Variants in ACLY observed in about 807,000 individuals in gnomAD.
The protein encoded by ACLY is ATP-citrate synthase.
Under a neutral mutation model 133.0 loss-of-function variants are expected in ACLY, and 41 were observed. That is an observed-to-expected ratio of 0.31 (90% CI 0.24 to 0.40). The LOEUF (loss-of-function observed/expected upper bound fraction) is 0.40, where lower values mean the gene tolerates loss of function less well. Among genes scored for constraint, ACLY ranks in the 10% least tolerant of loss-of-function variants. The pLI, the probability that ACLY is intolerant of heterozygous loss-of-function variation, is 1.00. For synonymous variants in ACLY, 495 were observed against 549.3 expected (o/e 0.90, Z 1.38); for missense variants, 1,046 against 1,453.8 (o/e 0.72, Z 4.56).
Position 41,871,700 on chromosome 17 carries a change from G to T in ACLY, c.2926C>A (p.Arg976=). The T allele has an allele frequency of 6.2e-7, 1 of 1,613,902 alleles. No homozygotes were observed. Among genetic ancestry groups the T allele is most frequent in the Non-Finnish European group, 8.5e-7 (1 of 1,179,990 alleles). Residue 976 remains arginine, a synonymous_variant, in exon 25 of 29, where the codon CGA becomes AGA. Transcript: ENST00000352035. Reference sequence around the variant, plus strand: ...GAGTAACAACTCACCGACTTCACTCGGTGACCAATGCCCATGATCAGCTTC... The same window carrying T: ...GAGTAACAACTCACCGACTTCACTCTGTGACCAATGCCCATGATCAGCTTC... ...EGKLIMGIGH[R]VKSINNPDMR... is the part of the protein sequence containing the mutation.
At chr17:41,922,088 C>T (rs1406536849), upstream of ACLY, among the ~76,000 whole-genome samples, 24 of 152,002 alleles carry the variant, frequency 1.6e-4, 1 homozygote, top group South Asian at 4.4e-3. Flanking sequence ...CCCAGTTACT[C>T]GGGAGGCTGG....
rs2049862065 is a variant in ACLY at position 41,910,303 on chromosome 17, A to C, written c.283-19T>G. On this transcript the variant is annotated intron_variant, in intron 3 of 28. Coordinates refer to ENST00000352035, the MANE Select transcript of ACLY (RefSeq NM_001096.3). ...TGCCAACCTACAGAAAAATTGAGGGAGATGAAACTCAGAGGGACAGCACGT... is the reference window on the plus strand; with the variant it reads ...TGCCAACCTACAGAAAAATTGAGGGCGATGAAACTCAGAGGGACAGCACGT... 1 of 1,611,588 alleles carries C rather than the reference A, an allele frequency of 6.2e-7. No homozygotes were observed. Among genetic ancestry groups the C allele is most frequent in the South Asian group, 1.1e-5 (1 of 90,646 alleles).
Position 41,897,800 on chromosome 17 carries a change from T to C in ACLY, c.1378A>G (p.Arg460Gly). The C allele has an allele frequency of 1.9e-6, 3 of 1,613,628 alleles. No individual in the cohort carries two copies. The highest frequency in any genetic ancestry group is 2.5e-6 in the Non-Finnish European group (3 of 1,179,806). ...TTTGCAGGCGCCACCTCATCGGCCC[T>C]GGACTCAGAAAAAGATGCTGTCCTG... ...PSRTASFSES[R>G]ADEVAPAKKA... Residue 460 changes from arginine to glycine, a missense_variant, in exon 13 of 29, where the codon AGG becomes GGG. Physicochemically the swap from Arg to Gly is moderately radical, Grantham distance 125 (BLOSUM62 -2). Around this residue, in one of 4 missense-constraint regions of ACLY, gnomAD observed 575 missense variants for 804.2 expected, o/e 0.71. Coordinates refer to ENST00000352035, the MANE Select transcript of ACLY (RefSeq NM_001096.3).
chr17:41,903,980 G>A (rs1476563395), intron 10 of ACLY, among the ~76,000 whole-genome samples: 2 of 151,600 alleles, frequency 1.3e-5, no homozygotes, highest in South Asian at 2.1e-4. Context: ...AGCCGGGCAC[G>A]GTGGTGGGTG....
At chr17:41,925,598 C>T in intron 1 of ACLY, among the ~76,000 whole-genome samples, 1 of 151,858 alleles carries the variant, frequency 6.6e-6, no homozygotes, top group East Asian at 1.9e-4. Flanking sequence ...TATTTAGACA[C>T]TCTGTCTAAA....
At chr17:41,927,122 C>T (rs182425178) in intron 1 of ACLY, among the ~76,000 whole-genome samples, 4 of 152,316 alleles carry the variant, frequency 2.6e-5, no homozygotes, top group Admixed American at 2.6e-4. Context: ...CCCACCTCAG[C>T]CTCCCAAAGT....
At chr17:41,886,035 C>A in intron 18 of ACLY, 77 bp downstream of exon 18, 4 of 1,440,014 alleles carry the variant, frequency 2.8e-6, no homozygotes, top group Non-Finnish European at 3.9e-6. Context: ...CAGCAAGCAG[C>A]CTGCAGGACA....
intron 14 of ACLY, among the ~76,000 whole-genome samples, chr17:41,894,009 T>C (rs1448007224): frequency 1.3e-5 from 2 of 150,912 alleles, no homozygotes; most frequent in African/African-American, 4.9e-5. Flanking sequence ...AGCTCAAGAG[T>C]TCAAGACCAG....
At chr17:41,890,738 C>T (rs545615166) in intron 16 of ACLY, among the ~76,000 whole-genome samples, 2 of 150,004 alleles carry the variant, frequency 1.3e-5, no homozygotes, top group African/African-American at 4.9e-5. Context: ...CAGTGGCTCA[C>T]TCCTGTAATC....
chr17:41,885,514 T>C (rs2049025350), intron 18 of ACLY, among the ~76,000 whole-genome samples: 1 of 152,204 alleles, frequency 6.6e-6, no homozygotes, highest in Non-Finnish European at 1.5e-5. Context: ...TGAGATATAA[T>C]ACTGTATTCA....
chr17:41,905,524 T>A lies in ACLY; in HGVS notation c.1001A>T (p.Asp334Val). The A allele has an allele frequency of 9.9e-6, 16 of 1,614,112 alleles. No individual in the cohort carries two copies. Among genetic ancestry groups the A allele is most frequent in the Non-Finnish European group, 1.4e-5 (16 of 1,180,014 alleles). ...ATGTGTGTGTGCAAGTATCTCACCA[T>A]CTGGGTGCTTCTCTCGGGTCATGAG... The part of the protein sequence containing the change: ...LSLMTREKHP[D>V]GKILIIGGSI... Residue 334 changes from aspartate to valine, a missense_variant and splice_region_variant, in exon 9 of 29, where the codon GAT becomes GTT. Transcript: ENST00000352035.
At chr17:41,898,492 C>T in intron 12 of ACLY, 139 bp downstream of exon 12, 1 of 1,172,400 alleles carries the variant, frequency 8.5e-7, no homozygotes. Flanking sequence ...AAAAAATTGG[C>T]AGAGATCCAC....
chr17:41,890,685 T>C (rs1555629073), intron 16 of ACLY, among the ~76,000 whole-genome samples: 3 of 149,466 alleles, frequency 2.0e-5, no homozygotes, highest in Admixed American at 1.3e-4. Context: ...TGAAACTCTG[T>C]CTCAAAAAAA....
chr17:41,878,194 G>A lies in ACLY; in HGVS notation c.2396C>T (p.Ser799Phe). The change falls in exon 22 of 29, where the codon TCT (serine) becomes TTT (phenylalanine). Residue 799 changes from serine to phenylalanine, a missense_variant and splice_region_variant. Transcript: ENST00000352035. ...SFDELGEIIQ[S>F]VYEDLVANGV... ...ATTGGCCACGAGATCTTCGTATACA[G>A]ACCTGGGAGGCAGGAAAAAAAAGAC... 2 of 1,567,180 alleles carry A rather than the reference G, an allele frequency of 1.3e-6. No individual in the cohort carries two copies.
At chr17:41,878,238 A>AT in intron 21 of ACLY, 42 bp from the exon 22 acceptor site, 1 of 1,436,218 alleles carries the variant, frequency 7.0e-7, no homozygotes, top group Non-Finnish European at 9.4e-7. Flanking sequence ...GGATTTTCTT[A>AT]TTTTGGGCTC....
In ACLY at chr17:41,904,765, G is replaced by A; in HGVS notation, c.1029C>T (p.Ser343=). The stretch of plus-strand genomic sequence containing the variant: ...CAGCCACGTTGGTGAAGTTTGCGAT[G>A]CTGCCTCCAATGATGAGGATCTTGC... The part of the protein sequence containing the change: ...PDGKILIIGG[S]IANFTNVAAT... Residue 343 remains serine, a synonymous_variant, in exon 10 of 29, where the codon AGC becomes AGT. Transcript: ENST00000352035. 1 of 1,614,066 alleles carries A rather than the reference G, an allele frequency of 6.2e-7. No individual in the cohort carries two copies. Among genetic ancestry groups the A allele is most frequent in the Non-Finnish European group, 8.5e-7 (1 of 1,179,914 alleles).
intron 10 of ACLY, 29 bp downstream of exon 10, chr17:41,904,700 A>G: frequency 3.7e-6 from 6 of 1,609,736 alleles, no homozygotes; most frequent in Non-Finnish European, 5.1e-6. Context: ...CACTTTCCCC[A>G]GAAACTGCAC....
At position 41,897,794 on chromosome 17, in the gene ACLY, C is replaced by T. The variant is rs782078720; in HGVS notation, c.1384G>A (p.Asp462Asn). ...RTASFSESRA[D>N]EVAPAKKAKP... is the part of the protein sequence containing the mutation. ...GCCTTCTTTGCAGGCGCCACCTCAT[C>T]GGCCCTGGACTCAGAAAAAGATGCT... Residue 462 changes from aspartate (D) to asparagine (N), a missense_variant, in exon 13 of 29, where the codon GAT becomes AAT. Asp to Asn is a conservative substitution (Grantham distance 23, BLOSUM62 1). Transcript: ENST00000352035. 1.7e-5 allele frequency: 27 copies of T among 1,613,432 alleles called. No homozygotes were observed. The East Asian group carries it at 3.1e-4, about 19-fold the overall frequency.
intron 1 of ACLY, among the ~76,000 whole-genome samples, chr17:41,917,297 A>C (rs2050076271): frequency 6.6e-6 from 1 of 152,064 alleles, no homozygotes; most frequent in Non-Finnish European, 1.5e-5. Flanking sequence ...CTGAGCTTGG[A>C]CTCCAGGAAC....
Sources: allele counts gnomAD v4.1 joint callset (sites outside exome capture counted in the v4.1 genomes callset), GRCh38; gene constraint gnomAD v4.1.1; regional missense constraint gnomAD v4.1.1; transcripts MANE v1.5; gene names NCBI Gene and HGNC (gene_info 2026-07-23, HGNC 2026-07-21).